Variants in CSMD3 observed in about 807,000 individuals in gnomAD.
The protein encoded by CSMD3 is CUB and sushi domain-containing protein 3.
Under a neutral mutation model 435.2 loss-of-function variants are expected in CSMD3, and 177 were observed. That is an observed-to-expected ratio of 0.41 (90% CI 0.36 to 0.46). The LOEUF is 0.46. CSMD3 is among the 20% of genes least tolerant of loss of function. The probability of loss-of-function intolerance (pLI) is 0.34; values close to 1 mark genes in which losing one functional copy is unlikely to be tolerated. For missense variants in CSMD3, 4,265 were observed against 4,504.6 expected (o/e 0.95, Z 1.52); for synonymous variants, 1,656 against 1,520.5 (o/e 1.09, Z -2.07).
chr8:112,863,991 G>T (rs915770260), intron 10 of CSMD3, among the ~76,000 whole-genome samples: 1 of 152,016 alleles, frequency 6.6e-6, no homozygotes, highest in Non-Finnish European at 1.5e-5. Flanking sequence ...CCACACTAGT[G>T]ATACCATTCA....
chr8:112,919,964 G>A (rs1293899698), intron 10 of CSMD3, among the ~76,000 whole-genome samples: 1 of 151,634 alleles, frequency 6.6e-6, no homozygotes, highest in Non-Finnish European at 1.5e-5. Flanking sequence ...TTATATGTTT[G>A]GCAGCTATAC....
chr8:112,319,294 A>G (rs1451232057), intron 46 of CSMD3, among the ~76,000 whole-genome samples: 2 of 152,124 alleles, frequency 1.3e-5, no homozygotes, highest in Non-Finnish European at 2.9e-5. Flanking sequence ...TATTGAAGTT[A>G]CATCGGTCAC....
chr8:112,493,578 C>A (rs1317300124), intron 30 of CSMD3, among the ~76,000 whole-genome samples: 1 of 152,116 alleles, frequency 6.6e-6, no homozygotes, highest in Admixed American at 6.6e-5. Context: ...TATTTTTTGA[C>A]AGATTTTCTA....
chr8:112,359,809 T>C (rs1827011030), intron 38 of CSMD3, among the ~76,000 whole-genome samples: 1 of 152,086 alleles, frequency 6.6e-6, no homozygotes, highest in African/African-American at 2.4e-5. Flanking sequence ...TAGTTAGGTC[T>C]CCAAGCATGC....
Position 112,494,512 on chromosome 8 carries a change from T to C in CSMD3, c.5084-1829A>G, listed in dbSNP as rs1180285978. Among the ~76,000 whole-genome samples, 277 of 103,946 alleles carry C rather than the reference T, an allele frequency of 2.7e-3. 8 individuals are homozygous for C. Among genetic ancestry groups the C allele is most frequent in the African/African-American group, 9.0e-3 (259 of 28,870 alleles). 68.2% of individuals were successfully genotyped at this position (103,946 alleles called of 152,430 possible). ...TTTCTCTCCTTTCTTTCTTTCTTTC[T>C]TTCTTTCTTTCTTTCTTTCTTTCTT... On this transcript the variant is annotated intron_variant, in intron 30 of 70. Transcript: ENST00000297405.
intron 3 of CSMD3, among the ~76,000 whole-genome samples, chr8:113,244,817 C>A (rs148729437): frequency 1.3e-5 from 2 of 151,940 alleles, no homozygotes; most frequent in African/African-American, 4.8e-5. Flanking sequence ...GTCTAATTTG[C>A]TTATTATTTT....
intron 1 of CSMD3, among the ~76,000 whole-genome samples, chr8:113,336,215 G>C (rs1004522052): frequency 1.3e-4 from 20 of 151,570 alleles, no homozygotes; most frequent in African/African-American, 4.8e-4. Flanking sequence ...CAATAATTGA[G>C]CTTTTCATAC....
At chr8:113,252,696 T>C (rs1308788390) in intron 3 of CSMD3, among the ~76,000 whole-genome samples, 1 of 152,174 alleles carries the variant, frequency 6.6e-6, no homozygotes, top group African/African-American at 2.4e-5. Flanking sequence ...AGAAAATTAT[T>C]ACATTTAAAA....
intron 1 of CSMD3, among the ~76,000 whole-genome samples, chr8:113,393,290 C>A (rs949985501): frequency 6.6e-6 from 1 of 151,920 alleles, no homozygotes; most frequent in African/African-American, 2.4e-5. Context: ...CTTTTGATCT[C>A]CTGTTTACTG....
At chr8:112,830,498 T>TA (rs1475844229) in intron 11 of CSMD3, among the ~76,000 whole-genome samples, 1 of 152,202 alleles carries the variant, frequency 6.6e-6, no homozygotes, top group African/African-American at 2.4e-5. Context: ...ATTGCAATTT[T>TA]AAAAATAGCT....
intron 1 of CSMD3, among the ~76,000 whole-genome samples, chr8:113,373,090 G>C (rs1182522519): frequency 6.6e-6 from 1 of 152,024 alleles, no homozygotes; most frequent in Non-Finnish European, 1.5e-5. Context: ...TCTTCAACGG[G>C]ATTAGCTGCT....
chr8:112,376,724 T>C (rs1420528708), intron 38 of CSMD3, among the ~76,000 whole-genome samples: 1 of 152,182 alleles, frequency 6.6e-6, no homozygotes, highest in Non-Finnish European at 1.5e-5. Context: ...TATACCAACA[T>C]TATATGTCCA....
At chr8:112,230,262 T>C (rs1586461019) in intron 69 of CSMD3, among the ~76,000 whole-genome samples, 1 of 152,322 alleles carries the variant, frequency 6.6e-6, no homozygotes, top group East Asian at 1.9e-4. Context: ...ACTGTGTAAA[T>C]GCACTATGTT....
chr8:112,993,286 A>G (rs1331096114), intron 6 of CSMD3, among the ~76,000 whole-genome samples: 1 of 151,784 alleles, frequency 6.6e-6, no homozygotes, highest in African/African-American at 2.4e-5. Context: ...CACAAATATG[A>G]CTGTGAATAA....
intron 66 of CSMD3, among the ~76,000 whole-genome samples, chr8:112,241,345 C>T (rs974616608): frequency 6.6e-5 from 10 of 151,770 alleles, no homozygotes; most frequent in African/African-American, 2.4e-4. Flanking sequence ...TAGAAGTTAC[C>T]GATCTTTATT....
chr8:112,710,235 C>T (rs1441995726), intron 13 of CSMD3, among the ~76,000 whole-genome samples: 2 of 152,068 alleles, frequency 1.3e-5, no homozygotes, highest in Non-Finnish European at 2.9e-5. Flanking sequence ...TTAAGATAAA[C>T]TATGAGTGAC....
chr8:113,100,534 T>C (rs1367455290), intron 4 of CSMD3, among the ~76,000 whole-genome samples: 2 of 152,160 alleles, frequency 1.3e-5, no homozygotes, highest in African/African-American at 4.8e-5. Flanking sequence ...CTCACTGAGC[T>C]ATTTATTTTC....
chr8:112,660,882 A>G (rs1282980558), intron 17 of CSMD3, among the ~76,000 whole-genome samples: 4 of 152,202 alleles, frequency 2.6e-5, no homozygotes, highest in African/African-American at 9.6e-5. Context: ...GAAGTGGAAG[A>G]AGCCATGAGA....
chr8:112,913,335 C>T (rs7825976), intron 10 of CSMD3, among the ~76,000 whole-genome samples: 48,720 of 151,356 alleles, frequency 0.32, 8,054 homozygotes, highest in East Asian at 0.41. Flanking sequence ...ATAGGGTTCA[C>T]GCTCCTATGA....
Sources: allele counts gnomAD v4.1 joint callset (sites outside exome capture counted in the v4.1 genomes callset), GRCh38; gene constraint gnomAD v4.1.1; transcripts MANE v1.5; gene names NCBI Gene and HGNC (gene_info 2026-07-23, HGNC 2026-07-21).